The following SFI1 variants were observed in gnomAD, a reference collection of about 807,000 sequenced individuals.
SFI1 encodes SFI1 centrin binding protein, also known as protein SFI1 homolog.
A neutral mutation model predicts 207.5 loss-of-function variants in SFI1; 195 were observed. The ratio of observed to expected loss-of-function variants is 0.94; its 90% CI spans 0.84 to 1.06. The LOEUF is 1.06. SFI1 is among the 50% of genes least tolerant of loss of function. The pLI is 0.00. For synonymous variants in SFI1, 630 were observed against 598.9 expected, an observed-to-expected ratio of 1.05 and a Z score of -0.76; for missense variants, 1,634 against 1,588.0, an observed-to-expected ratio of 1.03 and a Z score of -0.49.
intron 7 of SFI1, among the ~76,000 whole-genome samples, chr22:31,560,184 T>G (rs2148245567): frequency 6.6e-6 from 1 of 151,770 alleles, no homozygotes; most frequent in Admixed American, 6.6e-5. Context: ...GAAAAGTGAG[T>G]GTTTCTGTAA....
chr22:31,530,489 C>CAAAAAG (rs2058398448), intron 3 of SFI1: 1 of 107,678 alleles, frequency 9.3e-6, no homozygotes, highest in Non-Finnish European at 1.7e-5. Context: ...AACTCTGTCT[C>CAAAAAG]AAAAAAAAAA....
At chr22:31,506,377 A>G (rs1157505166) in intron 1 of SFI1, among the ~76,000 whole-genome samples, 1 of 152,114 alleles carries the variant, frequency 6.6e-6, no homozygotes, top group Non-Finnish European at 1.5e-5. Context: ...AAAAGAAAAG[A>G]AAGAAAATGA....
intron 1 of SFI1, among the ~76,000 whole-genome samples, chr22:31,498,041 T>A (rs2053035385): frequency 6.6e-6 from 1 of 152,222 alleles, no homozygotes; most frequent in African/African-American, 2.4e-5. Context: ...ATGCCTGTAA[T>A]CCCAGCACTT....
Position 31,607,958 on chromosome 22 carries a change from G to T in SFI1, c.2179G>T (p.Ala727Ser). The change falls in exon 22 of 33, where the codon GCT (alanine) becomes TCT (serine). Residue 727 changes from alanine (A) to serine (S), a missense_variant. By Grantham distance (99) the Ala-to-Ser change is moderately conservative (BLOSUM62 1). Transcript: ENST00000400288. ...CSKVLVQWRE[A>S]VSVQMYYRQQ... is the part of the protein sequence containing the mutation. ...ATAGGTCCTGGTCCAGTGGCGGGAAGCTGTGTCAGTGCAGATGTATTACCG... is the reference window on the plus strand; with the variant it reads ...ATAGGTCCTGGTCCAGTGGCGGGAATCTGTGTCAGTGCAGATGTATTACCG... 6.2e-7 allele frequency: 1 copy of T among 1,613,838 alleles called. No individual in the cohort carries two copies. The highest frequency in any genetic ancestry group is 8.5e-7 in the Non-Finnish European group (1 of 1,179,844).
At chr22:31,496,931 G>A (rs548468025) in intron 1 of SFI1, among the ~76,000 whole-genome samples, 3 of 152,224 alleles carry the variant, frequency 2.0e-5, no homozygotes, top group Non-Finnish European at 2.9e-5. Flanking sequence ...CAGGCGTCTA[G>A]TGCGCTCCTG....
chr22:31,580,067 A>C (rs752308673), intron 11 of SFI1: 9 of 509,090 alleles, frequency 1.8e-5, no homozygotes, highest in Non-Finnish European at 3.2e-5. Context: ...ATATTTATTA[A>C]GTGCCTGCTG....
At chr22:31,530,796 A>G in intron 3 of SFI1, 1 of 485,782 alleles carries the variant, frequency 2.1e-6, no homozygotes, top group Non-Finnish European at 3.8e-6. Context: ...TACTTCCTGT[A>G]CCTCATTTTT....
chr22:31,547,541 C>T (rs2060203875), intron 5 of SFI1, among the ~76,000 whole-genome samples: 1 of 151,890 alleles, frequency 6.6e-6, no homozygotes, highest in South Asian at 2.1e-4. Context: ...GAACTCCTGA[C>T]TTCAGGTGAT....
chr22:31,578,667 A>G (rs2063772778), intron 11 of SFI1, among the ~76,000 whole-genome samples: 1 of 152,102 alleles, frequency 6.6e-6, no homozygotes, highest in Non-Finnish European at 1.5e-5. Flanking sequence ...CTGTAAAGGA[A>G]CCTCAGAGAT....
chr22:31,575,456 G>A (rs2063381424), intron 10 of SFI1, 64 bp downstream of exon 10: 1 of 1,446,044 alleles, frequency 6.9e-7, no homozygotes, highest in African/African-American at 1.4e-5. Flanking sequence ...TCAGCAGCAT[G>A]TGAAACGAAA....
At position 31,592,797 on chromosome 22, in the gene SFI1, C is replaced by CG. The variant is rs1175311919; in HGVS notation, c.1544+3226dup. Among the ~76,000 whole-genome samples the CG allele has an allele frequency of 7.0e-4, 92 of 130,562 alleles. 1 individual carries two copies. The highest frequency in any genetic ancestry group is 1.1e-3 in the Non-Finnish European group (64 of 60,900). 85.7% of individuals were successfully genotyped at this position (130,562 alleles called of 152,430 possible). A position where few individuals can be genotyped will look rare whatever the true frequency, so the allele number is the denominator to read the frequency against. Reference sequence around the variant, plus strand: ...TCACCTCCCAGACGGGGCGGCTGGCCGGGGGGAGGGCTGACCCCCCCACCT... The same window carrying CG: ...TCACCTCCCAGACGGGGCGGCTGGCCGGGGGGGAGGGCTGACCCCCCCACCT... On this transcript the variant is annotated intron_variant, in intron 15 of 32. Coordinates refer to ENST00000400288, the MANE Select transcript of SFI1 (RefSeq NM_001007467.3).
chr22:31,503,819 C>A (rs2054211906), intron 1 of SFI1, among the ~76,000 whole-genome samples: 1 of 151,564 alleles, frequency 6.6e-6, no homozygotes, highest in Non-Finnish European at 1.5e-5. Flanking sequence ...GACCTCCTGA[C>A]CTCAGGTGAT....
intron 14 of SFI1, among the ~76,000 whole-genome samples, chr22:31,585,405 C>T (rs1388722791): frequency 6.6e-6 from 1 of 152,168 alleles, no homozygotes; most frequent in Admixed American, 6.6e-5. Context: ...TACTCAAATT[C>T]ATTTAGTCTC....
At chr22:31,571,323 G>T (rs1422158525) in intron 8 of SFI1, among the ~76,000 whole-genome samples, 2 of 151,872 alleles carry the variant, frequency 1.3e-5, no homozygotes, top group Non-Finnish European at 2.9e-5. Context: ...GTTTGGTTTG[G>T]TTTTTTTGAG....
intron 2 of SFI1, among the ~76,000 whole-genome samples, chr22:31,511,176 C>T (rs970806712): frequency 3.3e-5 from 5 of 152,122 alleles, no homozygotes; most frequent in East Asian, 1.9e-4. Context: ...AAAATTTCAT[C>T]GTGGGAGAAT....
intron 24 of SFI1, chr22:31,612,087 C>T: frequency 8.3e-7 from 1 of 1,204,794 alleles, no homozygotes. Flanking sequence ...TTAAAAAATA[C>T]ATCAGTGGAG....
At chr22:31,553,836 A>ATTTTTTTTTTTTTTTTTTTTTTTTTTTTT (rs1201513765) in intron 6 of SFI1, among the ~76,000 whole-genome samples, 1 of 21,954 alleles carries the variant, frequency 4.6e-5, no homozygotes, top group African/African-American at 1.4e-4. Context: ...TTAATGGATT[A>ATTTTTTTTTTTTTTTTTTTTTTTTTTTTT]TGTTTTTTTT....
At chr22:31,588,434 C>G (rs1390167875) in intron 14 of SFI1, among the ~76,000 whole-genome samples, 2 of 152,246 alleles carry the variant, frequency 1.3e-5, no homozygotes, top group Non-Finnish European at 2.9e-5. Flanking sequence ...AGAGCAGTCA[C>G]TATCCCAGCC....
chr22:31,617,319 G>T (rs2071781766), intron 31 of SFI1, among the ~76,000 whole-genome samples: 1 of 151,650 alleles, frequency 6.6e-6, no homozygotes, highest in Admixed American at 6.6e-5. Flanking sequence ...ACTCACCTGT[G>T]CACAGAGGCT....
Sources: gnomAD v4.1 joint callset for allele counts (sites outside exome capture counted in the v4.1 genomes callset) on GRCh38, gnomAD v4.1.1 for gene constraint, MANE v1.5 for transcripts, NCBI Gene and HGNC (gene_info 2026-07-23, HGNC 2026-07-21) for gene names.